The following ARSD variants were observed in gnomAD, a reference collection of about 807,000 sequenced individuals.
The protein encoded by ARSD is testis tissue sperm-binding protein Li 39a.
In ARSD, 21 loss-of-function variants were observed where a neutral mutation model predicts 32.6. The ratio of observed to expected loss-of-function variants is 0.64; its 90% CI spans 0.46 to 0.93. ARSD has a LOEUF of 0.93. Ranked by LOEUF, ARSD falls within the 40% of genes least tolerant of loss-of-function variation. The pLI is 0.00. For synonymous variants in ARSD, 224 were observed against 237.4 expected (o/e 0.94, Z 0.52); for missense variants, 454 against 520.9 (o/e 0.87, Z 1.25).
At chrX:2,923,269 T>C in intron 2 of ARSD, 1 of 240,475 alleles carries the variant, frequency 4.2e-6, no homozygotes, top group Non-Finnish European at 8.0e-6. Context: ...AGGCCAGGAG[T>C]TCGAGACAAG....
Position 2,921,899 on chromosome X carries a change from C to T in ARSD, c.316+4G>A. The T allele has an allele frequency of 8.3e-7, 1 of 1,208,838 alleles. No homozygotes were observed. Among genetic ancestry groups the T allele is most frequent in the Non-Finnish European group, 1.1e-6 (1 of 893,840 alleles). ...CATTTCTCCATCATCTCCGTGACAC[C>T]AACCTGATCTGAAGGAATGTCTCCC... is the stretch of plus-strand genomic sequence containing the variant. On this transcript the variant is annotated splice_donor_region_variant and intron_variant, in intron 3 of 9. Transcript: ENST00000381154.
rs57996096 is a variant in ARSD, at chrX:2,904,903, C to CTT, written c.*2366_*2367dup. 1.2e-3 allele frequency: 253 copies of CTT among 207,612 alleles called. No individual in the cohort carries two copies. Among genetic ancestry groups the CTT allele is most frequent in the Non-Finnish European group, 1.6e-3 (178 of 113,057 alleles). The allele number at this position is 207,612 out of a possible 1,213,427, so 17.1% of individuals were successfully genotyped here. On this transcript the variant is annotated 3_prime_UTR_variant, in exon 10 of 10. Transcript: ENST00000381154. ...CGTGTCCCATGCTCCATAGATGTTT[C>CTT]TTTTTTTTTTTTTTTTTAATCATTT...
chrX:2,910,318 A>AATC (rs61634042), intron 7 of ARSD, among the ~76,000 whole-genome samples: 25 of 110,695 alleles, frequency 2.3e-4, no homozygotes, highest in Non-Finnish European at 1.9e-4. Flanking sequence ...AATATGTATT[A>AATC]TTATGCATCA....
At chrX:2,925,457 G>A (rs934164514) in intron 2 of ARSD, among the ~76,000 whole-genome samples, 159 bp downstream of exon 2, 5 of 112,481 alleles carry the variant, frequency 4.4e-5, no homozygotes, top group Non-Finnish European at 9.4e-5. Flanking sequence ...CCCCCTCACC[G>A]CAGTTCCGCA....
At chrX:2,913,267 A>G (rs1321435642) in intron 6 of ARSD, among the ~76,000 whole-genome samples, 1 of 112,399 alleles carries the variant, frequency 8.9e-6, no homozygotes, top group Non-Finnish European at 1.9e-5. Context: ...AGCTTTTATC[A>G]TGCAGATGAA....
chrX:2,913,511 C>G (rs185974889), intron 6 of ARSD: 1 of 960,347 alleles, frequency 1.0e-6, no homozygotes, highest in Non-Finnish European at 1.3e-6. Context: ...ACACTGTGAA[C>G]CAATCCCGCC....
intron 1 of ARSD, among the ~76,000 whole-genome samples, chrX:2,928,525 T>C (rs1252435274): frequency 2.6e-4 from 1 of 3,902 alleles, no homozygotes; most frequent in African/African-American, 1.2e-3. Flanking sequence ...CATGTCATGG[T>C]GGGGCCGAAG....
At chrX:2,919,253 G>A (rs1272358892) in intron 4 of ARSD, among the ~76,000 whole-genome samples, 14 of 102,606 alleles carry the variant, frequency 1.4e-4, no homozygotes, top group Non-Finnish European at 2.4e-4. Flanking sequence ...ACAAGTTAGG[G>A]TGTTGCGGCT....
intron 1 of ARSD, 95 bp downstream of exon 1, chrX:2,929,137 G>C: frequency 1.2e-6 from 1 of 865,314 alleles, no homozygotes; most frequent in East Asian, 4.3e-5. Flanking sequence ...CAGGGGCCCA[G>C]GCTCGCCCGG....
rs1282060346 is a variant in ARSD at position 2,922,856 on chromosome X, AAAAAAAAAAAAAAAAG to A, written c.195-848_195-833del. On this transcript the variant is annotated intron_variant, in intron 2 of 9. Transcript: ENST00000381154. ...AGACCGTGTCTCAAAAAAAAAAAAA[AAAAAAAAAAAAAAAAG>A]AAAGAAAAGAAAAGAAAGAAAGAAA... Among the ~76,000 whole-genome samples the A allele has an allele frequency of 1.1e-4, 9 of 79,939 alleles. No homozygotes were observed. The East Asian group carries it at 4.7e-3, about 42-fold the overall frequency. 69.4% of individuals were successfully genotyped at this position (79,939 alleles called of 115,157 possible). A position where few individuals can be genotyped will look rare whatever the true frequency, so the allele number is the denominator to read the frequency against.
At position 2,920,611 on chromosome X, in the gene ARSD, G is replaced by T. The variant is rs184247373; in HGVS notation, c.429C>A (p.Thr143=). 11 of 1,209,937 alleles carry T rather than the reference G, an allele frequency of 9.1e-6. No homozygotes were observed. The East Asian group carries it at 3.3e-4, about 36-fold the overall frequency. ...ARILQQHGYA[T]GLIGKWHQGV... ...CCCACATATCCACACCTATGAGGCC[G>T]GTTGCATAGCCATGCTGCTGCAAGA... The change falls in exon 4 of 10, where the codon ACC becomes ACA. Residue 143 remains threonine, a synonymous_variant. Coordinates refer to ENST00000381154, the MANE Select transcript of ARSD (RefSeq NM_001669.4).
chrX:2,928,897 G>C (rs965229131), intron 1 of ARSD, among the ~76,000 whole-genome samples: 6 of 112,045 alleles, frequency 5.4e-5, no homozygotes, highest in African/African-American at 1.9e-4. Context: ...CCCAGTTTCC[G>C]CTCCCTCCGG....
At chrX:2,908,532 TCTC>T (rs1228167903) in intron 9 of ARSD, among the ~76,000 whole-genome samples, 186 bp downstream of exon 9, 84 of 82,260 alleles carry the variant, frequency 1.0e-3, no homozygotes, top group African/African-American at 4.4e-3. Context: ...TCTCTCTCTC[TCTC>T]CCCCCCCCAT....
At chrX:2,910,339 AT>A (rs1475467353) in intron 7 of ARSD, among the ~76,000 whole-genome samples, 1 of 110,841 alleles carries the variant, frequency 9.0e-6, no homozygotes, top group Non-Finnish European at 1.9e-5. Context: ...ATATTAATTG[AT>A]GCATTTAAAA....
At chrX:2,918,700 A>T (rs1194262027) in intron 4 of ARSD, among the ~76,000 whole-genome samples, 1 of 111,394 alleles carries the variant, frequency 9.0e-6, no homozygotes, top group African/African-American at 3.3e-5. Flanking sequence ...AGATCATGCC[A>T]CTGCACTCCA....
chrX:2,910,587 C>G, intron 7 of ARSD, 72 bp downstream of exon 7: 2 of 1,193,050 alleles, frequency 1.7e-6, no homozygotes, highest in Non-Finnish European at 2.3e-6. Context: ...TTCAGTTCAA[C>G]TTGTTCTGGG....
chrX:2,915,421 C>G, intron 6 of ARSD, 135 bp downstream of exon 6: 1 of 956,014 alleles, frequency 1.0e-6, no homozygotes, highest in South Asian at 2.4e-5. Flanking sequence ...TCCCAAAGTG[C>G]TGGGATTACA....
At chrX:2,913,665 C>T (rs755257957) in intron 6 of ARSD, 15 of 985,207 alleles carry the variant, frequency 1.5e-5, no homozygotes, top group South Asian at 1.0e-4. Flanking sequence ...CTGCATTGTC[C>T]GAACTTTATT....
chrX:2,917,066 CAAA>C (rs63580360), intron 5 of ARSD, among the ~76,000 whole-genome samples: 170 of 52,687 alleles, frequency 3.2e-3, no homozygotes, highest in African/African-American at 0.011. Context: ...GACATTGTCT[CAAA>C]AAAAAAAAAA....
Sources: allele counts gnomAD v4.1 joint callset (sites outside exome capture counted in the v4.1 genomes callset), GRCh38; gene constraint gnomAD v4.1.1; transcripts MANE v1.5; gene names NCBI Gene and HGNC (gene_info 2026-07-23, HGNC 2026-07-21).